The following RPF2 variants were observed in gnomAD, a reference collection of about 807,000 sequenced individuals.
The protein encoded by RPF2 is brix domain containing 1.
A neutral mutation model predicts 38.9 loss-of-function variants in RPF2; 21 were observed. The ratio of observed to expected loss-of-function variants is 0.54; its 90% CI spans 0.38 to 0.78. RPF2 has a LOEUF of 0.78. Among genes scored for constraint, RPF2 ranks in the 30% least tolerant of loss-of-function variants. The probability of loss-of-function intolerance (pLI) is 0.00; values close to 1 mark genes in which losing one functional copy is unlikely to be tolerated. For missense variants in RPF2, 314 were observed against 358.1 expected (o/e 0.88, Z 0.99); for synonymous variants, 121 against 126.2 (o/e 0.96, Z 0.28).
intron 8 of RPF2, among the ~76,000 whole-genome samples, chr6:111,016,683 C>CTTTTTTT (rs1397812113): frequency 1.5e-4 from 16 of 105,926 alleles, no homozygotes; most frequent in Non-Finnish European, 1.8e-4. Context: ...TTTTTTTTTT[C>CTTTTTTT]TTTCTTTTTT....
chr6:110,982,515 TC>T, intron 1 of RPF2: 1 of 244,526 alleles, frequency 4.1e-6, no homozygotes, highest in Non-Finnish European at 8.0e-6. Context: ...TCATTAAATA[TC>T]TCTAAATCTT....
chr6:110,999,687 C>G (rs749741364), intron 5 of RPF2, 24 bp from the exon 6 acceptor site: 9 of 1,509,290 alleles, frequency 6.0e-6, no homozygotes, highest in Non-Finnish European at 7.4e-6. Flanking sequence ...AAAATACATG[C>G]TTAAAAATAC....
intron 9 of RPF2, 108 bp from the exon 10 acceptor site, chr6:111,025,295 G>A (rs1772304030): frequency 8.8e-6 from 6 of 682,454 alleles, no homozygotes; most frequent in South Asian, 5.9e-5. Context: ...GTCACTGAAG[G>A]GGCAGGCACT....
intron 8 of RPF2, among the ~76,000 whole-genome samples, chr6:111,019,820 T>G (rs1772197559): frequency 6.6e-6 from 1 of 152,230 alleles, no homozygotes; most frequent in Non-Finnish European, 1.5e-5. Context: ...ATTTTGTGTT[T>G]AGACTTGGAT....
intron 2 of RPF2, among the ~76,000 whole-genome samples, chr6:110,986,044 G>C (rs926701641): frequency 1.3e-5 from 2 of 152,120 alleles, no homozygotes; most frequent in Non-Finnish European, 2.9e-5. Flanking sequence ...AGAAGTGGGA[G>C]AGAAAGAGAA....
chr6:111,008,898 C>CTTTTTTTTT (rs57167034), intron 7 of RPF2, among the ~76,000 whole-genome samples: 2 of 120,436 alleles, frequency 1.7e-5, no homozygotes, highest in Non-Finnish European at 3.4e-5. Flanking sequence ...TTCCTGGCTC[C>CTTTTTTTTT]TTTTTTTTTT....
Position 110,991,764 on chromosome 6 carries a change from CT to C in RPF2, c.216del (p.Phe72LeufsTer32). On this transcript the variant is annotated frameshift_variant, in exon 4 of 10. Coordinates refer to ENST00000441448, the MANE Select transcript of RPF2 (RefSeq NM_032194.3). LOFTEE classifies it high-confidence loss of function. ...ATTCTTAGGAAAAATATTACAAGAC[CT>C]TTTGAGGATCAGACATCACTGGTAA... Reference protein sequence around the residue: ...VLYKKKNITRPFEDQTSLEFF... With the variant: ...VLYKKKNITRXFEDQTSLEFF... 4.1e-6 allele frequency: 5 copies of C among 1,231,206 alleles called. No individual in the cohort carries two copies. Among genetic ancestry groups the C allele is most frequent in the Admixed American group, 2.3e-5 (1 of 44,312 alleles). 76.3% of individuals were successfully genotyped at this position (1,231,206 alleles called of 1,614,324 possible).
chr6:111,013,581 C>G (rs1425511603), intron 7 of RPF2, among the ~76,000 whole-genome samples: 1 of 152,144 alleles, frequency 6.6e-6, no homozygotes, highest in Non-Finnish European at 1.5e-5. Context: ...GAGTACTTTT[C>G]CATGTGCTTA....
intron 7 of RPF2, among the ~76,000 whole-genome samples, chr6:111,012,533 T>A (rs999458267): frequency 5.3e-5 from 8 of 152,158 alleles, no homozygotes; most frequent in African/African-American, 1.9e-4. Flanking sequence ...GTAGAGGAAT[T>A]TTTAATTCTG....
chr6:110,992,187 G>A (rs1309322688), intron 4 of RPF2, among the ~76,000 whole-genome samples: 2 of 152,030 alleles, frequency 1.3e-5, no homozygotes, highest in African/African-American at 4.8e-5. Context: ...GCACATGCCT[G>A]TAATCCCAGC....
chr6:111,016,701 T>A (rs80071450), intron 8 of RPF2, among the ~76,000 whole-genome samples: 1 of 147,664 alleles, frequency 6.8e-6, no homozygotes, highest in Non-Finnish European at 1.5e-5. Flanking sequence ...TTTTTTTTTT[T>A]AATTGATCAT....
chr6:110,988,434 CTT>C (rs71021819), intron 2 of RPF2, among the ~76,000 whole-genome samples: 36 of 140,174 alleles, frequency 2.6e-4, no homozygotes, highest in South Asian at 1.1e-3. Context: ...TTGTCTACTA[CTT>C]TTTTTTTTTT....
intron 7 of RPF2, among the ~76,000 whole-genome samples, chr6:111,011,773 T>G (rs941832612): frequency 7.2e-5 from 11 of 152,192 alleles, no homozygotes; most frequent in African/African-American, 2.2e-4. Flanking sequence ...TTGCATTTGT[T>G]TAAATGTTTT....
Position 110,982,096 on chromosome 6 carries a change from T to G in RPF2, c.-11T>G, listed in dbSNP as rs1423086628. 6.2e-7 allele frequency: 1 copy of G among 1,614,058 alleles called. No individual in the cohort carries two copies. Among genetic ancestry groups the G allele is most frequent in the Non-Finnish European group, 8.5e-7 (1 of 1,180,018 alleles). On this transcript the variant is annotated 5_prime_UTR_variant, in exon 1 of 10. Transcript: ENST00000441448. Reference sequence around the variant, plus strand: ...ATGCCCCCTGGTTAAGAGTTGCAGGTAGCGGTAGCGATGGACACTCTGGAT... The same window carrying G: ...ATGCCCCCTGGTTAAGAGTTGCAGGGAGCGGTAGCGATGGACACTCTGGAT...
In RPF2 at chr6:110,985,282, G is replaced by A. The variant is rs563871094; in HGVS notation, c.156+144G>A. The A allele has an allele frequency of 7.7e-6, 5 of 645,306 alleles. No individual in the cohort carries two copies. The South Asian group carries it at 1.7e-4, about 22-fold the overall frequency. 40.0% of individuals were successfully genotyped at this position (645,306 alleles called of 1,614,324 possible). On this transcript the variant is annotated intron_variant, in intron 2 of 9. Transcript: ENST00000441448. ...TCTTAGAGAAGAGCTAAAGTTGGGG[G>A]TTTATTTACCTTGCGTGGCACCTTT... is the stretch of plus-strand genomic sequence containing the variant.
rs1454398827 is a variant in RPF2 at position 110,982,076 on chromosome 6, C to T, written c.-31C>T. On this transcript the variant is annotated 5_prime_UTR_variant, in exon 1 of 10. Transcript: ENST00000441448. ...TAATCGCCGAGGGCACGTGCATGCC[C>T]CCTGGTTAAGAGTTGCAGGTAGCGG... 4 of 1,613,898 alleles carry T rather than the reference C, an allele frequency of 2.5e-6. No homozygotes were observed. The African/African-American group carries it at 4.0e-5, about 16-fold the overall frequency.
intron 6 of RPF2, among the ~76,000 whole-genome samples, chr6:111,005,512 TA>T (rs1771892334): frequency 6.6e-6 from 1 of 152,228 alleles, no homozygotes; most frequent in Admixed American, 6.5e-5. Flanking sequence ...AAATACTTTT[TA>T]TAGTAAGAGT....
intron 6 of RPF2, among the ~76,000 whole-genome samples, chr6:111,007,719 C>T (rs962074889): frequency 9.9e-5 from 15 of 151,912 alleles, no homozygotes; most frequent in Non-Finnish European, 5.9e-5. Context: ...CTGAGGCAGG[C>T]GGATCATTTG....
chr6:111,025,380 A>C, intron 9 of RPF2, 23 bp from the exon 10 acceptor site: 1 of 1,511,152 alleles, frequency 6.6e-7, no homozygotes, highest in Non-Finnish European at 9.1e-7. Flanking sequence ...GCCATTAAAT[A>C]TATACATATT....
Sources: allele counts gnomAD v4.1 joint callset (sites outside exome capture counted in the v4.1 genomes callset), GRCh38; gene constraint gnomAD v4.1.1; transcripts MANE v1.5; gene names NCBI Gene and HGNC (gene_info 2026-07-23, HGNC 2026-07-21).